NANOS3: variants seen among roughly 807,000 people sequenced by gnomAD.
The protein encoded by NANOS3 is nanos homolog 3.
Under a neutral mutation model 13.8 loss-of-function variants are expected in NANOS3, and 11 were observed. The ratio of observed to expected loss-of-function variants is 0.80; its 90% CI spans 0.50 to 1.32. The LOEUF (loss-of-function observed/expected upper bound fraction) is 1.32, where lower values mean the gene tolerates loss of function less well. Ranked by LOEUF, NANOS3 falls within the 40% of genes most tolerant of loss-of-function variation. The pLI, the probability that NANOS3 is intolerant of heterozygous loss-of-function variation, is 0.00. For missense variants in NANOS3, 221 were observed against 263.8 expected (o/e 0.84, Z 1.12); for synonymous variants, 119 against 115.4 (o/e 1.03, Z -0.20).
intron 1 of NANOS3, among the ~76,000 whole-genome samples, chr19:13,880,052 G>A (rs974948967): frequency 2.0e-5 from 3 of 152,090 alleles, no homozygotes; most frequent in African/African-American, 7.2e-5. Flanking sequence ...ATGAAAGACT[G>A]CCTCCAGGAG....
upstream of NANOS3, among the ~76,000 whole-genome samples, chr19:13,863,389 T>C (rs1976185422): frequency 6.6e-6 from 1 of 152,082 alleles, no homozygotes; most frequent in Non-Finnish European, 1.5e-5. Flanking sequence ...TTTTTTTTAA[T>C]TTTATTTTTG....
chr19:13,875,692 C>T (rs1599303750), upstream of NANOS3, among the ~76,000 whole-genome samples: 1 of 151,846 alleles, frequency 6.6e-6, no homozygotes, highest in Admixed American at 6.6e-5. Flanking sequence ...ACCACGGGCA[C>T]GCACCACCAC....
intron 1 of NANOS3, among the ~76,000 whole-genome samples, chr19:13,869,413 G>C (rs955133832): frequency 6.6e-6 from 1 of 152,120 alleles, no homozygotes; most frequent in East Asian, 1.9e-4. Flanking sequence ...ACATCTGGCA[G>C]GCCTGGGAAG....
chr19:13,872,360 A>AAGAG (rs1294694168), upstream of NANOS3, among the ~76,000 whole-genome samples: 5,510 of 140,930 alleles, frequency 0.039, 426 homozygotes, highest in African/African-American at 0.14. Flanking sequence ...AAAAAAAAAA[A>AAGAG]AGAGAGAGAG....
At chr19:13,865,200 G>A (rs1170968551), upstream of NANOS3, among the ~76,000 whole-genome samples, 2 of 149,762 alleles carry the variant, frequency 1.3e-5, no homozygotes, top group Admixed American at 6.6e-5. Flanking sequence ...CGGCGGCAGC[G>A]GGGAGCGCGG....
At position 13,877,404 on chromosome 19, in the gene NANOS3, G is replaced by C. The variant is rs778920016; in HGVS notation, c.156G>C (p.Pro52=). Residue 52 remains proline (P), a synonymous_variant, in exon 1 of 2, where the codon CCG becomes CCC. Transcript: ENST00000339133. ...CAGCCCTGGAGCCGATGCCAGCGCC[G>C]GAGTCGGTGCCAGTGCCGGGACCCA... The part of the protein sequence containing the change: ...PVSALEPMPA[P]ESVPVPGPKD... 4 of 1,612,300 alleles carry C rather than the reference G, an allele frequency of 2.5e-6. No individual in the cohort carries two copies. The African/African-American group carries it at 5.3e-5, about 22-fold the overall frequency.
At chr19:13,862,958 T>A (rs1685612341), upstream of NANOS3, among the ~76,000 whole-genome samples, 1 of 152,166 alleles carries the variant, frequency 6.6e-6, no homozygotes, top group African/African-American at 2.4e-5. Flanking sequence ...GAATCTGAGA[T>A]GATGATAGGC....
At chr19:13,879,454 G>C (rs1968583540) in intron 1 of NANOS3, among the ~76,000 whole-genome samples, 1 of 152,142 alleles carries the variant, frequency 6.6e-6, no homozygotes, top group African/African-American at 2.4e-5. Context: ...GTCATGAAAG[G>C]GTCAGGTGTG....
upstream of NANOS3, among the ~76,000 whole-genome samples, chr19:13,873,207 G>T (rs1050360007): frequency 6.6e-6 from 1 of 151,248 alleles, no homozygotes; most frequent in Non-Finnish European, 1.5e-5. Flanking sequence ...GGTCAAAAGC[G>T]ACGGGGCTCT....
chr19:13,880,546 A>G lies in NANOS3; in HGVS notation c.*43A>G. The G allele has an allele frequency of 1.3e-6, 2 of 1,580,428 alleles. No homozygotes were observed. Among genetic ancestry groups the G allele is most frequent in the Non-Finnish European group, 8.7e-7 (1 of 1,150,724 alleles). ...GGCAAGGGCACCCGGGCTCGGCTGG[A>G]TTTCCAGGAAGACCCACCCTATGAC... is the stretch of plus-strand genomic sequence containing the variant. On this transcript the variant is annotated 3_prime_UTR_variant, in exon 2 of 2. Coordinates refer to ENST00000339133, the MANE Select transcript of NANOS3 (RefSeq NM_001098622.3).
chr19:13,877,162 G>A lies in NANOS3; in HGVS notation c.-87G>A. ...CTCCAGAGAGGGGAAGGAAGGGGCAGCAGAGAGGGGTCAGAAGGAGGGAGC... is the reference window on the plus strand; with the variant it reads ...CTCCAGAGAGGGGAAGGAAGGGGCAACAGAGAGGGGTCAGAAGGAGGGAGC... On this transcript the variant is annotated 5_prime_UTR_variant, in exon 1 of 2. Coordinates refer to ENST00000339133, the MANE Select transcript of NANOS3 (RefSeq NM_001098622.3). The A allele has an allele frequency of 8.8e-7, 1 of 1,139,730 alleles. No individual in the cohort carries two copies. The allele number at this position is 1,139,730 out of a possible 1,614,324, so 70.6% of individuals were successfully genotyped here.
upstream of NANOS3, among the ~76,000 whole-genome samples, chr19:13,875,188 CT>C (rs376046818): frequency 0.044 from 6,193 of 141,696 alleles, 352 homozygotes; most frequent in African/African-American, 0.14. Flanking sequence ...CTAAAATCCC[CT>C]TTTTTTTTTT....
upstream of NANOS3, among the ~76,000 whole-genome samples, chr19:13,863,011 G>T (rs1976180475): frequency 6.6e-6 from 1 of 152,234 alleles, no homozygotes; most frequent in Non-Finnish European, 1.5e-5. Flanking sequence ...CAGCTGGGGA[G>T]AACTCTACCC....
upstream of NANOS3, among the ~76,000 whole-genome samples, chr19:13,873,085 G>C (rs976968267): frequency 1.3e-5 from 2 of 152,144 alleles, no homozygotes; most frequent in African/African-American, 2.4e-5. Context: ...GGGCTCTAAG[G>C]GGGCGGGCCC....
At chr19:13,865,183 G>GCC (rs1976213205), upstream of NANOS3, among the ~76,000 whole-genome samples, 1 of 150,788 alleles carries the variant, frequency 6.6e-6, no homozygotes, top group African/African-American at 2.4e-5. Flanking sequence ...GGGGAGGAGG[G>GCC]AGGGGGCGGC....
In NANOS3 at chr19:13,880,491, C is replaced by T. The variant is rs1253925773; in HGVS notation, c.567C>T (p.Ser189=). 2 of 1,613,906 alleles carry T rather than the reference C, an allele frequency of 1.2e-6. No homozygotes were observed. Among genetic ancestry groups the T allele is most frequent in the Admixed American group, 1.7e-5 (1 of 60,004 alleles). Residue 189 remains serine (S), a synonymous_variant, in exon 2 of 2, where the codon TCC becomes TCT. Transcript: ENST00000339133. ...KSEPSPSCSP[S]MST ...AGCCTTCGCCCTCCTGCTCTCCCTC[C>T]ATGTCCACCTAGGAGGCTGCCTACA...
At chr19:13,868,184 G>C (rs527455242) in intron 1 of NANOS3, among the ~76,000 whole-genome samples, 1 of 151,760 alleles carries the variant, frequency 6.6e-6, no homozygotes, top group African/African-American at 2.4e-5. Flanking sequence ...TCAGCCTCTC[G>C]AGTAGCTGGG....
At chr19:13,875,958 A>G (rs750252831), upstream of NANOS3, among the ~76,000 whole-genome samples, 6 of 152,018 alleles carry the variant, frequency 3.9e-5, no homozygotes, top group Non-Finnish European at 7.4e-5. Flanking sequence ...CTCGGGGAGG[A>G]CACTGAAGAC....
upstream of NANOS3, among the ~76,000 whole-genome samples, chr19:13,863,281 C>T (rs1976183785): frequency 6.6e-6 from 1 of 152,152 alleles, no homozygotes; most frequent in African/African-American, 2.4e-5. Context: ...ACCATCATAG[C>T]TCATTGTAGC....
Sources: gnomAD v4.1 joint callset for allele counts (sites outside exome capture counted in the v4.1 genomes callset) on GRCh38, gnomAD v4.1.1 for gene constraint, MANE v1.5 for transcripts, NCBI Gene and HGNC (gene_info 2026-07-23, HGNC 2026-07-21) for gene names.